Variants in OR4S1 observed in about 807,000 individuals in gnomAD.
The protein encoded by OR4S1 is olfactory receptor family 4 subfamily S member 1.
For synonymous variants in OR4S1, 197 were observed against 144.5 expected, an observed-to-expected ratio of 1.36 and a Z score of -2.61; for missense variants, 531 against 383.0, an observed-to-expected ratio of 1.39 and a Z score of -3.23.
Position 48,306,367 on chromosome 11 carries a change from GC to G in OR4S1, c.146del (p.Ala49ValfsTer5). 6.2e-7 allele frequency: 1 copy of G among 1,607,724 alleles called. No homozygotes were observed. Among genetic ancestry groups the G allele is most frequent in the Non-Finnish European group, 8.5e-7 (1 of 1,175,240 alleles). ...CCTTCTGGTCATCATCACCATCAAT[GC>G]TAGAAAGACCCTGAAGTCTCCCATG... ...GNLLVIITIN[A>X]RKTLKSPMYF... On this transcript the variant is annotated frameshift_variant, in exon 1 of 1. Transcript: ENST00000319988. LOFTEE classifies it low-confidence loss of function (END_TRUNC).
chr11:48,307,033 C>T lies in OR4S1; in HGVS notation c.811C>T (p.Leu271Phe), dbSNP rs201580522. The T allele has an allele frequency of 1.1e-4, 173 of 1,613,932 alleles. 1 individual carries two copies. Among genetic ancestry groups the T allele is most frequent in the Non-Finnish European group, 1.4e-4 (167 of 1,179,940 alleles). Residue 271 changes from leucine (L) to phenylalanine (F), a missense_variant, in exon 1 of 1, where the codon CTC becomes TTC. Leu to Phe is a conservative substitution (Grantham distance 22). Coordinates refer to ENST00000319988, the MANE Select transcript of OR4S1 (RefSeq NM_001004725.1). The part of the protein sequence containing the change: ...TTLAADKLII[L>F]FNIVMPPLLN... ...CCTGGCTGCTGACAAACTTATCATC[C>T]TCTTTAACATTGTGATGCCACCTTT...
At position 48,306,473 on chromosome 11, in the gene OR4S1, T is replaced by C. The variant is rs774871807; in HGVS notation, c.251T>C (p.Phe84Ser). ...ATACCCAAGATGATTGCTGACACTT[T>C]TGTGGAGCATAAGATCATCTCCTTC... ...TTIPKMIADT[F>S]VEHKIISFNG... Residue 84 changes from phenylalanine to serine, a missense_variant, in exon 1 of 1, where the codon TTT (phenylalanine) becomes TCT (serine). Physicochemically the swap from Phe to Ser is radical, Grantham distance 155. Transcript: ENST00000319988. 4.4e-6 allele frequency: 7 copies of C among 1,608,860 alleles called. No homozygotes were observed. The South Asian group carries it at 5.5e-5, about 13-fold the overall frequency.
rs1851984430 is a variant in OR4S1 at position 48,306,505 on chromosome 11, T to C, written c.283T>C (p.Cys95Arg). ...VEHKIISFNGCMTQLFSAHFF... is the reference protein window; with the variant it reads ...VEHKIISFNGRMTQLFSAHFF... ...GCATAAGATCATCTCCTTCAATGGCTGCATGACCCAGCTCTTTTCTGCCCA... is the reference window on the plus strand; with the variant it reads ...GCATAAGATCATCTCCTTCAATGGCCGCATGACCCAGCTCTTTTCTGCCCA... Residue 95 changes from cysteine to arginine, a missense_variant, in exon 1 of 1, where the codon TGC becomes CGC. Physicochemically the swap from Cys to Arg is radical, Grantham distance 180. Transcript: ENST00000319988. 1 of 1,608,796 alleles carries C rather than the reference T, an allele frequency of 6.2e-7. No individual in the cohort carries two copies. The highest frequency in any genetic ancestry group is 8.5e-7 in the Non-Finnish European group (1 of 1,175,736).
In OR4S1 at chr11:48,306,487, A is replaced by G; in HGVS notation, c.265A>G (p.Ile89Val). 6.2e-7 allele frequency: 1 copy of G among 1,609,104 alleles called. No individual in the cohort carries two copies. Among genetic ancestry groups the G allele is most frequent in the Non-Finnish European group, 8.5e-7 (1 of 1,175,948 alleles). ...MIADTFVEHK[I>V]ISFNGCMTQL... Reference sequence around the variant, plus strand: ...TGCTGACACTTTTGTGGAGCATAAGATCATCTCCTTCAATGGCTGCATGAC... The same window carrying G: ...TGCTGACACTTTTGTGGAGCATAAGGTCATCTCCTTCAATGGCTGCATGAC... The change falls in exon 1 of 1, where the codon ATC (isoleucine) becomes GTC (valine). Residue 89 changes from isoleucine (I) to valine (V), a missense_variant. By Grantham distance (29) the Ile-to-Val change is conservative. Transcript: ENST00000319988.
Position 48,306,667 on chromosome 11 carries a change from G to A in OR4S1, c.445G>A (p.Ala149Thr). ...CGLLAGASWLAGFLHSILQTL... is the reference protein window; with the variant it reads ...CGLLAGASWLTGFLHSILQTL... ...CCTGCTAGCGGGGGCCTCCTGGTTA[G>A]CTGGCTTCCTGCATTCCATCCTGCA... The change falls in exon 1 of 1, where the codon GCT becomes ACT. Residue 149 changes from alanine to threonine, a missense_variant. By Grantham distance (58) the Ala-to-Thr change is moderately conservative (BLOSUM62 0). Coordinates refer to ENST00000319988, the MANE Select transcript of OR4S1 (RefSeq NM_001004725.1). 1.2e-6 allele frequency: 2 copies of A among 1,614,090 alleles called. No homozygotes were observed. The highest frequency in any genetic ancestry group is 8.5e-7 in the Non-Finnish European group (1 of 1,180,010).
rs989138369 is a variant in OR4S1 at position 48,307,072 on chromosome 11, A to G, written c.850A>G (p.Ile284Val). 1.9e-6 allele frequency: 3 copies of G among 1,613,894 alleles called. No homozygotes were observed. The highest frequency in any genetic ancestry group is 2.7e-5 in the African/African-American group (2 of 74,874). ...GATGCCACCTTTGCTGAACCCTTTG[A>G]TCTATACACTAAGGAACAACGATGT... ...IVMPPLLNPL[I>V]YTLRNNDVKN... Residue 284 changes from isoleucine to valine, a missense_variant, in exon 1 of 1, where the codon ATC (isoleucine) becomes GTC (valine). Ile to Val is a conservative substitution (Grantham distance 29, BLOSUM62 3). Transcript: ENST00000319988.
Position 48,306,454 on chromosome 11 carries a change from A to T in OR4S1, c.232A>T (p.Lys78Ter), listed in dbSNP as rs1851983323. 1.2e-6 allele frequency: 2 copies of T among 1,608,114 alleles called. No homozygotes were observed. Among genetic ancestry groups the T allele is most frequent in the Admixed American group, 1.7e-5 (1 of 59,780 alleles). Residue 78 changes from lysine (K) to a stop codon, truncating the protein, a stop_gained, in exon 1 of 1, where the codon AAG becomes TAG. Transcript: ENST00000319988. LOFTEE classifies it low-confidence loss of function (END_TRUNC). ...DICYPSTTIP[K>*]MIADTFVEHK... is the part of the protein sequence containing the mutation. ...ATGTTATCCATCCACTACCATACCC[A>T]AGATGATTGCTGACACTTTTGTGGA... is the stretch of plus-strand genomic sequence containing the variant.
chr11:48,306,709 C>G lies in OR4S1; in HGVS notation c.487C>G (p.Gln163Glu), dbSNP rs190716643. Reference sequence around the variant, plus strand: ...CATCCTGCAGACCCTCCTCACGGTTCAGCTGCCTTTTTGTGGGCCCAATGA... The same window carrying G: ...CATCCTGCAGACCCTCCTCACGGTTGAGCTGCCTTTTTGTGGGCCCAATGA... ...HSILQTLLTV[Q>E]LPFCGPNEID... The change falls in exon 1 of 1, where the codon CAG (glutamine) becomes GAG (glutamate). Residue 163 changes from glutamine (Q) to glutamate (E), a missense_variant. By Grantham distance (29) the Gln-to-Glu change is conservative (BLOSUM62 2). Coordinates refer to ENST00000319988, the MANE Select transcript of OR4S1 (RefSeq NM_001004725.1). The G allele has an allele frequency of 4.6e-5, 75 of 1,614,182 alleles. No homozygotes were observed. The highest frequency in any genetic ancestry group is 3.3e-4 in the Middle Eastern group (2 of 6,062).
chr11:48,306,271 G>A lies in OR4S1; in HGVS notation c.49G>A (p.Glu17Lys). Residue 17 changes from glutamate to lysine, a missense_variant, in exon 1 of 1, where the codon GAG becomes AAG. Physicochemically the swap from Glu to Lys is moderately conservative, Grantham distance 56. Coordinates refer to ENST00000319988, the MANE Select transcript of OR4S1 (RefSeq NM_001004725.1). ...VTEFVLFGLF[E>K]SREMQHTCFV... ...TGAGTTTGTTTTATTTGGCCTTTTT[G>A]AGAGCAGAGAGATGCAGCATACATG... 1.2e-6 allele frequency: 2 copies of A among 1,604,718 alleles called. No homozygotes were observed. Among genetic ancestry groups the A allele is most frequent in the Non-Finnish European group, 1.7e-6 (2 of 1,174,090 alleles).
rs1246768931 is a variant in OR4S1 at position 48,306,905 on chromosome 11, C to G, written c.683C>G (p.Ser228Cys). The G allele has an allele frequency of 2.5e-6, 4 of 1,614,186 alleles. No individual in the cohort carries two copies. ...TTACTGAACCTAAGAAGCCAGTCAT[C>G]TGAGGACCGGCGTAAGGCTGTCTCC... ...IILLNLRSQSSEDRRKAVSTC... is the reference protein window; with the variant it reads ...IILLNLRSQSCEDRRKAVSTC... Residue 228 changes from serine to cysteine, a missense_variant, in exon 1 of 1, where the codon TCT (serine) becomes TGT (cysteine). Coordinates refer to ENST00000319988, the MANE Select transcript of OR4S1 (RefSeq NM_001004725.1).
At position 48,307,049 on chromosome 11, in the gene OR4S1, T is replaced by C; in HGVS notation, c.827T>C (p.Met276Thr). 2 of 1,614,124 alleles carry C rather than the reference T, an allele frequency of 1.2e-6. No individual in the cohort carries two copies. The highest frequency in any genetic ancestry group is 1.1e-5 in the South Asian group (1 of 91,084). The change falls in exon 1 of 1, where the codon ATG (methionine) becomes ACG (threonine). Residue 276 changes from methionine (M) to threonine (T), a missense_variant. Met to Thr is a moderately conservative substitution (Grantham distance 81). Coordinates refer to ENST00000319988, the MANE Select transcript of OR4S1 (RefSeq NM_001004725.1). ...DKLIILFNIV[M>T]PPLLNPLIYT... ...CTTATCATCCTCTTTAACATTGTGA[T>C]GCCACCTTTGCTGAACCCTTTGATC...
In OR4S1 at chr11:48,306,841, G is replaced by A; in HGVS notation, c.619G>A (p.Ala207Thr). 2 of 1,614,158 alleles carry A rather than the reference G, an allele frequency of 1.2e-6. No homozygotes were observed. The highest frequency in any genetic ancestry group is 1.7e-6 in the Non-Finnish European group (2 of 1,180,028). ...VVANSGMISL[A>T]SFFILIISYV... ...GGCCAACAGCGGTATGATTTCTTTA[G>A]CATCCTTTTTTATCCTTATCATTTC... is the stretch of plus-strand genomic sequence containing the variant. Residue 207 changes from alanine (A) to threonine (T), a missense_variant, in exon 1 of 1, where the codon GCA (alanine) becomes ACA (threonine). Ala to Thr is a moderately conservative substitution (Grantham distance 58). Coordinates refer to ENST00000319988, the MANE Select transcript of OR4S1 (RefSeq NM_001004725.1).
Position 48,307,136 on chromosome 11 carries a change from G to C in OR4S1, c.914G>C (p.Ser305Thr), listed in dbSNP as rs771389352. 3.7e-6 allele frequency: 6 copies of C among 1,610,032 alleles called. 1 individual carries two copies. The South Asian group carries it at 6.6e-5, about 18-fold the overall frequency. Residue 305 changes from serine (S) to threonine (T), a missense_variant, in exon 1 of 1, where the codon AGC becomes ACC. By Grantham distance (58) the Ser-to-Thr change is moderately conservative (BLOSUM62 1). Coordinates refer to ENST00000319988, the MANE Select transcript of OR4S1 (RefSeq NM_001004725.1). ...AMRKLFRVKR[S>T]LGEK Reference sequence around the variant, plus strand: ...AGGAAGCTGTTTAGGGTCAAGAGGAGCTTAGGGGAGAAGTGACATTCCAGA... The same window carrying C: ...AGGAAGCTGTTTAGGGTCAAGAGGACCTTAGGGGAGAAGTGACATTCCAGA...
In OR4S1 at chr11:48,306,264, C is replaced by G. The variant is rs1475427944; in HGVS notation, c.42C>G (p.Gly14=). The G allele has an allele frequency of 2.5e-6, 4 of 1,603,358 alleles. 1 individual carries two copies. The highest frequency in any genetic ancestry group is 3.4e-6 in the Non-Finnish European group (4 of 1,173,488). Residue 14 remains glycine (G), a synonymous_variant, in exon 1 of 1, where the codon GGC becomes GGG. Coordinates refer to ENST00000319988, the MANE Select transcript of OR4S1 (RefSeq NM_001004725.1). ...KNNVTEFVLF[G]LFESREMQHT... is the part of the protein sequence containing the mutation. ...ATGTGACTGAGTTTGTTTTATTTGGCCTTTTTGAGAGCAGAGAGATGCAGC... is the reference window on the plus strand; with the variant it reads ...ATGTGACTGAGTTTGTTTTATTTGGGCTTTTTGAGAGCAGAGAGATGCAGC...
chr11:48,306,869 A>G lies in OR4S1; in HGVS notation c.647A>G (p.Tyr216Cys), dbSNP rs759574411. 2.5e-6 allele frequency: 4 copies of G among 1,614,062 alleles called. No homozygotes were observed. Among genetic ancestry groups the G allele is most frequent in the Admixed American group, 3.3e-5 (2 of 60,018 alleles). The change falls in exon 1 of 1, where the codon TAT (tyrosine) becomes TGT (cysteine). Residue 216 changes from tyrosine (Y) to cysteine (C), a missense_variant. Physicochemically the swap from Tyr to Cys is radical, Grantham distance 194. Transcript: ENST00000319988. ...LASFFILIISYVIILLNLRSQ... is the reference protein window; with the variant it reads ...LASFFILIISCVIILLNLRSQ... ...TCCTTTTTTATCCTTATCATTTCCTATGTTATCATCTTACTGAACCTAAGA... is the reference window on the plus strand; with the variant it reads ...TCCTTTTTTATCCTTATCATTTCCTGTGTTATCATCTTACTGAACCTAAGA...
chr11:48,306,650 C>G lies in OR4S1; in HGVS notation c.428C>G (p.Ala143Gly), dbSNP rs761256684. 3 of 1,613,826 alleles carry G rather than the reference C, an allele frequency of 1.9e-6. No individual in the cohort carries two copies. Among genetic ancestry groups the G allele is most frequent in the East Asian group, 4.5e-5 (2 of 44,870 alleles). ...GATTGCCGGAAGTGTGGCCTGCTAGCGGGGGCCTCCTGGTTAGCTGGCTTC... is the reference window on the plus strand; with the variant it reads ...GATTGCCGGAAGTGTGGCCTGCTAGGGGGGGCCTCCTGGTTAGCTGGCTTC... ...IMDCRKCGLL[A>G]GASWLAGFLH... is the part of the protein sequence containing the mutation. Residue 143 changes from alanine (A) to glycine (G), a missense_variant, in exon 1 of 1, where the codon GCG (alanine) becomes GGG (glycine). By Grantham distance (60) the Ala-to-Gly change is moderately conservative. Coordinates refer to ENST00000319988, the MANE Select transcript of OR4S1 (RefSeq NM_001004725.1).
At position 48,306,563 on chromosome 11, in the gene OR4S1, C is replaced by A. The variant is rs1565375464; in HGVS notation, c.341C>A (p.Thr114Lys). 1 of 1,594,866 alleles carries A rather than the reference C, an allele frequency of 6.3e-7. No homozygotes were observed. The highest frequency in any genetic ancestry group is 8.6e-7 in the Non-Finnish European group (1 of 1,165,188). ...FFGGTEIFLL[T>K]AMAYDRYVAI... ...GGTGGCACTGAGATCTTCCTCCTTA[C>A]AGCCATGGCCTATGACCGCTATGTG... Residue 114 changes from threonine to lysine, a missense_variant, in exon 1 of 1, where the codon ACA becomes AAA. Physicochemically the swap from Thr to Lys is moderately conservative, Grantham distance 78. Transcript: ENST00000319988.
In OR4S1 at chr11:48,306,662, G is replaced by T; in HGVS notation, c.440G>T (p.Trp147Leu). 4 of 1,614,076 alleles carry T rather than the reference G, an allele frequency of 2.5e-6. No individual in the cohort carries two copies. Among genetic ancestry groups the T allele is most frequent in the Non-Finnish European group, 2.5e-6 (3 of 1,180,000 alleles). ...TGTGGCCTGCTAGCGGGGGCCTCCT[G>T]GTTAGCTGGCTTCCTGCATTCCATC... The part of the protein sequence containing the change: ...RKCGLLAGAS[W>L]LAGFLHSILQ... The change falls in exon 1 of 1, where the codon TGG (tryptophan) becomes TTG (leucine). Residue 147 changes from tryptophan (W) to leucine (L), a missense_variant. Trp to Leu is a moderately conservative substitution (Grantham distance 61, BLOSUM62 -2). Transcript: ENST00000319988.
In OR4S1 at chr11:48,307,141, G is replaced by C. The variant is rs773940140; in HGVS notation, c.919G>C (p.Gly307Arg). 2 of 1,607,954 alleles carry C rather than the reference G, an allele frequency of 1.2e-6. No homozygotes were observed. The change falls in exon 1 of 1, where the codon GGG becomes CGG. Residue 307 changes from glycine (G) to arginine (R), a missense_variant. Gly to Arg is a moderately radical substitution (Grantham distance 125, BLOSUM62 -2). Transcript: ENST00000319988. Reference protein sequence around the residue: ...RKLFRVKRSLGEK With the variant: ...RKLFRVKRSLREK ...GCTGTTTAGGGTCAAGAGGAGCTTA[G>C]GGGAGAAGTGACATTCCAGAGAATC...
Sources: gnomAD v4.1 joint callset for allele counts on GRCh38, gnomAD v4.1.1 for gene constraint, MANE v1.5 for transcripts, NCBI Gene and HGNC (gene_info 2026-07-23, HGNC 2026-07-21) for gene names.